RBFOX1: variants seen among roughly 807,000 people sequenced by gnomAD.
RBFOX1 encodes the protein RNA binding protein fox-1 homolog 1.
A neutral mutation model predicts 57.7 loss-of-function variants in RBFOX1; 8 were observed. The observed-to-expected ratio is 0.14, with a 90% CI of 0.08 to 0.25. The LOEUF is 0.25. Ranked by LOEUF, RBFOX1 falls within the 10% of genes least tolerant of loss-of-function variation. RBFOX1 has a pLI of 1.00. For missense variants in RBFOX1, 611 were observed against 548.5 expected, an observed-to-expected ratio of 1.11 and a Z score of -1.14; for synonymous variants, 326 against 222.4, an observed-to-expected ratio of 1.47 and a Z score of -4.15.
rs191577256 is a variant in RBFOX1, at chr16:7,406,870, C to G, written c.28-111277C>G. Reference sequence around the variant, plus strand: ...TCCATTTCCTTGCATTTTCTAGTTTCTAGAGGCCACCTGCTTTCCTTGGCT... The same window carrying G: ...TCCATTTCCTTGCATTTTCTAGTTTGTAGAGGCCACCTGCTTTCCTTGGCT... On this transcript the variant is annotated intron_variant, in intron 4 of 15. Coordinates refer to ENST00000550418, the MANE Select transcript of RBFOX1 (RefSeq NM_018723.4). Among the ~76,000 whole-genome samples, 6 of 152,256 alleles carry G rather than the reference C, an allele frequency of 3.9e-5. No individual in the cohort carries two copies. In the East Asian group the frequency reaches 1.2e-3, roughly 30 times the overall value.
chr16:7,432,153 G>T (rs1016581601), intron 4 of RBFOX1, among the ~76,000 whole-genome samples: 2 of 152,204 alleles, frequency 1.3e-5, no homozygotes, highest in African/African-American at 4.8e-5. Context: ...GGTCAGCAGG[G>T]GTGCCTGCTG....
intron 2 of RBFOX1, among the ~76,000 whole-genome samples, chr16:6,515,661 A>T (rs1247297552): frequency 6.6e-6 from 1 of 152,112 alleles, no homozygotes; most frequent in Non-Finnish European, 1.5e-5. Flanking sequence ...TAATCTCTTT[A>T]ATCTGCCTGC....
intron 3 of RBFOX1, among the ~76,000 whole-genome samples, chr16:5,854,962 G>T (rs937771835): frequency 6.6e-6 from 1 of 152,036 alleles, no homozygotes; most frequent in Non-Finnish European, 1.5e-5. Flanking sequence ...GATTTGCATT[G>T]CCCCAATAAT....
chr16:5,835,035 A>G (rs2056415232), intron 3 of RBFOX1, among the ~76,000 whole-genome samples: 1 of 152,140 alleles, frequency 6.6e-6, no homozygotes, highest in Non-Finnish European at 1.5e-5. Flanking sequence ...AAGTCAGTAA[A>G]CAATAGATAT....
At chr16:7,249,948 C>A (rs1001366602) in intron 4 of RBFOX1, among the ~76,000 whole-genome samples, 1 of 152,192 alleles carries the variant, frequency 6.6e-6, no homozygotes, top group Non-Finnish European at 1.5e-5. Flanking sequence ...GAGACTCTTT[C>A]TCTAAATCTC....
intron 3 of RBFOX1, among the ~76,000 whole-genome samples, chr16:5,676,903 C>T (rs893907744): frequency 1.3e-5 from 2 of 152,168 alleles, no homozygotes; most frequent in African/African-American, 2.4e-5. Context: ...GCACATAGTA[C>T]TATTCAATAA....
chr16:7,053,932 G>C (rs1281770752), intron 4 of RBFOX1, among the ~76,000 whole-genome samples: 7 of 151,952 alleles, frequency 4.6e-5, no homozygotes, highest in Admixed American at 3.9e-4. Flanking sequence ...CACATATATA[G>C]GGTTCAAAAT....
intron 4 of RBFOX1, among the ~76,000 whole-genome samples, chr16:5,884,857 G>T (rs2057857832): frequency 6.6e-6 from 1 of 152,124 alleles, no homozygotes; most frequent in South Asian, 2.1e-4. Context: ...GAGGCAAAGT[G>T]TGGCACGAGC....
chr16:5,793,866 G>C (rs142382709), intron 3 of RBFOX1, among the ~76,000 whole-genome samples: 83 of 152,360 alleles, frequency 5.4e-4, no homozygotes, highest in Admixed American at 4.2e-3. Flanking sequence ...TGGGAGACTG[G>C]AATCCAGCAC....
chr16:5,867,695 T>G (rs1031073108), intron 4 of RBFOX1, among the ~76,000 whole-genome samples: 1 of 152,162 alleles, frequency 6.6e-6, no homozygotes, highest in Non-Finnish European at 1.5e-5. Context: ...TTTCTTTGTA[T>G]ATTTTTTTCC....
At position 6,450,862 on chromosome 16, in the gene RBFOX1, T is replaced by C. The variant is rs1470955036; in HGVS notation, c.-64+133805T>C. ...GTGTATATATATATATATATATATA[T>C]ATATATATATATCTCCTCTGAAATA... is the stretch of plus-strand genomic sequence containing the variant. On this transcript the variant is annotated intron_variant, in intron 2 of 15. Coordinates refer to ENST00000550418, the MANE Select transcript of RBFOX1 (RefSeq NM_018723.4). Among the ~76,000 whole-genome samples, 242 of 93,478 alleles carry C rather than the reference T, an allele frequency of 2.6e-3. 42 individuals are homozygous for C. Among genetic ancestry groups the C allele is most frequent in the African/African-American group, 9.0e-3 (219 of 24,454 alleles). 61.3% of individuals were successfully genotyped at this position (93,478 alleles called of 152,430 possible).
intron 2 of RBFOX1, among the ~76,000 whole-genome samples, chr16:6,369,691 C>T (rs187010156): frequency 2.0e-4 from 31 of 152,282 alleles, no homozygotes; most frequent in Non-Finnish European, 3.7e-4. Context: ...TTCACTATCA[C>T]GCATTTTCTA....
At chr16:6,496,879 G>A (rs1158157025) in intron 2 of RBFOX1, among the ~76,000 whole-genome samples, 1 of 152,148 alleles carries the variant, frequency 6.6e-6, no homozygotes, top group Non-Finnish European at 1.5e-5. Context: ...AGAGTCGCTT[G>A]AACCCAGGAG....
rs1260031063 is a variant in RBFOX1 at position 5,333,515 on chromosome 16, C to T, written c.219+93410C>T. Among the ~76,000 whole-genome samples the T allele has an allele frequency of 2.0e-5, 3 of 152,166 alleles. No individual in the cohort carries two copies. The South Asian group carries it at 6.2e-4, about 32-fold the overall frequency. On this transcript the variant is annotated intron_variant, in intron 1 of 2. Transcript: ENST00000585867. ...AAGCTGCTCCTCACACAGTTGGCCC[C>T]TTCTCTCCTTCCCTGTGGTTTGGTT...
intron 3 of RBFOX1, among the ~76,000 whole-genome samples, chr16:6,889,851 G>A (rs2065005209): frequency 6.6e-6 from 1 of 152,160 alleles, no homozygotes; most frequent in Non-Finnish European, 1.5e-5. Flanking sequence ...AAACAAGATT[G>A]AATCATAGGG....
At chr16:7,505,516 C>T (rs1051310030) in intron 4 of RBFOX1, among the ~76,000 whole-genome samples, 2 of 152,188 alleles carry the variant, frequency 1.3e-5, no homozygotes, top group African/African-American at 4.8e-5. Context: ...TCAGAAGTGG[C>T]CATATCCAGG....
chr16:7,588,733 A>T (rs2094271771), intron 7 of RBFOX1, among the ~76,000 whole-genome samples: 1 of 152,056 alleles, frequency 6.6e-6, no homozygotes, highest in South Asian at 2.1e-4. Context: ...GCTCTTTTGG[A>T]TGTGTATAAC....
intron 4 of RBFOX1, among the ~76,000 whole-genome samples, chr16:7,484,724 A>C (rs1430234544): frequency 1.3e-5 from 2 of 152,198 alleles, no homozygotes; most frequent in Non-Finnish European, 1.5e-5. Flanking sequence ...TCAGCCTCCC[A>C]AAGTTCTGGG....
rs575947340 is a variant in RBFOX1, at chr16:6,540,099, C to A, written c.-63-114504C>A. Among the ~76,000 whole-genome samples, 345 of 152,262 alleles carry A rather than the reference C, an allele frequency of 2.3e-3. 1 individual carries two copies. Among genetic ancestry groups the A allele is most frequent in the African/African-American group, 8.0e-3 (331 of 41,558 alleles). On this transcript the variant is annotated intron_variant, in intron 2 of 15. Transcript: ENST00000550418. The stretch of plus-strand genomic sequence containing the variant: ...ATGAAATAGAGAAGCAGGCTGCCCT[C>A]TGTCAGTTGAAGAACCCATGTTTTT...
Sources: gnomAD v4.1 joint callset for allele counts (sites outside exome capture counted in the v4.1 genomes callset) on GRCh38, gnomAD v4.1.1 for gene constraint, MANE v1.5 for transcripts, NCBI Gene and HGNC (gene_info 2026-07-23, HGNC 2026-07-21) for gene names.